The following LRRC58 variants were observed in gnomAD, a reference collection of about 807,000 sequenced individuals.
LRRC58 encodes the protein leucine-rich repeat-containing protein 58.
Under a neutral mutation model 30.6 loss-of-function variants are expected in LRRC58, and 18 were observed. The ratio of observed to expected loss-of-function variants is 0.59; its 90% CI spans 0.41 to 0.87. The LOEUF is 0.87. Among genes scored for constraint, LRRC58 ranks in the 40% least tolerant of loss-of-function variants. The pLI is 0.00. For missense variants in LRRC58, 420 were observed against 468.4 expected (o/e 0.90, Z 0.95); for synonymous variants, 221 against 206.0 (o/e 1.07, Z -0.62).
At chr3:120,346,144 A>C (rs1935965771) in intron 1 of LRRC58, among the ~76,000 whole-genome samples, 1 of 152,070 alleles carries the variant, frequency 6.6e-6, no homozygotes, top group Non-Finnish European at 1.5e-5. Flanking sequence ...GTGGTCGCAG[A>C]TACTTGGGAG....
rs77005092 is a variant in LRRC58, at chr3:120,331,187, T to C, written c.*13A>G. On this transcript the variant is annotated 3_prime_UTR_variant, in exon 4 of 4. Coordinates refer to ENST00000295628, the MANE Select transcript of LRRC58 (RefSeq NM_001099678.2). ...CAGTTTTTTAAGTATTTCACAACAC[T>C]GTGCACTCCTGTTCAACCAAGAAGA... 2,309 of 1,612,208 alleles carry C rather than the reference T, an allele frequency of 1.4e-3. 25 individuals carry two copies. The African/African-American group carries it at 0.028, about 20-fold the overall frequency.
intron 1 of LRRC58, among the ~76,000 whole-genome samples, chr3:120,341,626 C>A (rs563716920): frequency 6.6e-6 from 1 of 152,234 alleles, no homozygotes; most frequent in South Asian, 2.1e-4. Flanking sequence ...GTGGAGCCCT[C>A]GTTAATGGGA....
chr3:120,325,992 C>T lies in LRRC58; in HGVS notation c.*5208G>A, dbSNP rs1445937155. ...ATCTGTCAGGATCACAGTCTTTCTC[C>T]CTCAAATCAAATGAAAAAGGTAACA... On this transcript the variant is annotated 3_prime_UTR_variant, in exon 4 of 4. Coordinates refer to ENST00000295628, the MANE Select transcript of LRRC58 (RefSeq NM_001099678.2). 1 of 152,012 alleles carries T rather than the reference C, an allele frequency of 6.6e-6. No individual in the cohort carries two copies. Among genetic ancestry groups the T allele is most frequent in the African/African-American group, 2.4e-5 (1 of 41,374 alleles). 9.4% of individuals were successfully genotyped at this position (152,012 alleles called of 1,614,324 possible).
At chr3:120,339,868 A>T (rs1402772594) in intron 1 of LRRC58, among the ~76,000 whole-genome samples, 1 of 151,348 alleles carries the variant, frequency 6.6e-6, no homozygotes, top group Non-Finnish European at 1.5e-5. Context: ...ATTTTTTTTT[A>T]ATTTTTATTT....
rs1935661511 is a variant in LRRC58, at chr3:120,325,490, A to T, written c.*5710T>A. 1 of 152,200 alleles carries T rather than the reference A, an allele frequency of 6.6e-6. No homozygotes were observed. The highest frequency in any genetic ancestry group is 1.5e-5 in the Non-Finnish European group (1 of 68,010). The allele number at this position is 152,200 out of a possible 1,614,324, so 9.4% of individuals were successfully genotyped here. A position where few individuals can be genotyped will look rare whatever the true frequency, so the allele number is the denominator to read the frequency against. Reference sequence around the variant, plus strand: ...TGGATTGAATACTATCCTTTACAACAACTATTGAGAAAGACTAATGTTAGG... The same window carrying T: ...TGGATTGAATACTATCCTTTACAACTACTATTGAGAAAGACTAATGTTAGG... On this transcript the variant is annotated 3_prime_UTR_variant, in exon 4 of 4. Transcript: ENST00000295628.
At chr3:120,337,836 T>A (rs908466689) in intron 1 of LRRC58, among the ~76,000 whole-genome samples, 1 of 152,016 alleles carries the variant, frequency 6.6e-6, no homozygotes, top group African/African-American at 2.4e-5. Flanking sequence ...ATGAATCATT[T>A]CTATTTGTTC....
In LRRC58 at chr3:120,335,923, G is replaced by T; in HGVS notation, c.531C>A (p.Phe177Leu). 6.3e-7 allele frequency: 1 copy of T among 1,593,634 alleles called. No homozygotes were observed. ...SLECLYLGGNFIKEIPPELGN... is the reference protein window; with the variant it reads ...SLECLYLGGNLIKEIPPELGN... Reference sequence around the variant, plus strand: ...CTAATTCTGGTGGGATTTCTTTAATGAAATTTCCTCCAAGATATAAACACT... The same window carrying T: ...CTAATTCTGGTGGGATTTCTTTAATTAAATTTCCTCCAAGATATAAACACT... Residue 177 changes from phenylalanine to leucine, a missense_variant, in exon 2 of 4, where the codon TTC (phenylalanine) becomes TTA (leucine). Physicochemically the swap from Phe to Leu is conservative, Grantham distance 22. Transcript: ENST00000295628.
At chr3:120,340,855 C>T (rs1237816019) in intron 1 of LRRC58, among the ~76,000 whole-genome samples, 1 of 152,132 alleles carries the variant, frequency 6.6e-6, no homozygotes, top group East Asian at 1.9e-4. Context: ...AGAGGTGGCA[C>T]CACTGCACTC....
At position 120,329,109 on chromosome 3, in the gene LRRC58, T is replaced by G. The variant is rs1357160919; in HGVS notation, c.*2091A>C. 1 of 152,144 alleles carries G rather than the reference T, an allele frequency of 6.6e-6. No homozygotes were observed. The highest frequency in any genetic ancestry group is 2.4e-5 in the African/African-American group (1 of 41,448). The allele number at this position is 152,144 out of a possible 1,614,324, so 9.4% of individuals were successfully genotyped here. ...CTTAGAAGACTACTCAAGCAGTTAC[T>G]TAAGTCAAGCTGGTAATTGATTAGG... On this transcript the variant is annotated 3_prime_UTR_variant, in exon 4 of 4. Coordinates refer to ENST00000295628, the MANE Select transcript of LRRC58 (RefSeq NM_001099678.2).
In LRRC58 at chr3:120,349,344, G is replaced by A. The variant is rs1320398464; in HGVS notation, c.-101C>T. ...CGCCCCGGAACCTGAACCGAGGGCTGAGTCGGAAGTGGCGCGGGCGGGCGC... is the reference window on the plus strand; with the variant it reads ...CGCCCCGGAACCTGAACCGAGGGCTAAGTCGGAAGTGGCGCGGGCGGGCGC... On this transcript the variant is annotated 5_prime_UTR_variant, in exon 1 of 4. Coordinates refer to ENST00000295628, the MANE Select transcript of LRRC58 (RefSeq NM_001099678.2). 5 of 1,227,492 alleles carry A rather than the reference G, an allele frequency of 4.1e-6. No homozygotes were observed. In the African/African-American group the frequency reaches 6.4e-5, roughly 16 times the overall value. 76.0% of individuals were successfully genotyped at this position (1,227,492 alleles called of 1,614,324 possible).
chr3:120,338,790 C>T (rs965455805), intron 1 of LRRC58, among the ~76,000 whole-genome samples: 1 of 152,126 alleles, frequency 6.6e-6, no homozygotes, highest in Non-Finnish European at 1.5e-5. Flanking sequence ...TCTGTAAGAG[C>T]GTTTTGAAAA....
At chr3:120,348,109 G>C (rs553542091) in intron 1 of LRRC58, among the ~76,000 whole-genome samples, 4 of 152,180 alleles carry the variant, frequency 2.6e-5, no homozygotes, top group Non-Finnish European at 5.9e-5. Context: ...TGATTAACTT[G>C]AGATAGCTTT....
intron 1 of LRRC58, among the ~76,000 whole-genome samples, chr3:120,346,824 C>G (rs1243128966): frequency 6.6e-6 from 1 of 152,198 alleles, no homozygotes; most frequent in Non-Finnish European, 1.5e-5. Context: ...CTCAAAATCT[C>G]TATCTCTTCA....
chr3:120,336,773 T>C (rs1044915339), intron 1 of LRRC58, among the ~76,000 whole-genome samples: 1 of 150,762 alleles, frequency 6.6e-6, no homozygotes, highest in Admixed American at 6.6e-5. Flanking sequence ...ATGATTACTG[T>C]TGAAAGGCTT....
At chr3:120,339,333 G>A (rs957048138) in intron 1 of LRRC58, among the ~76,000 whole-genome samples, 12 of 151,986 alleles carry the variant, frequency 7.9e-5, no homozygotes, top group Admixed American at 3.3e-4. Flanking sequence ...GTTCTACCCC[G>A]ATTTTCTACC....
At chr3:120,344,481 A>G (rs1433970973) in intron 1 of LRRC58, among the ~76,000 whole-genome samples, 1 of 152,232 alleles carries the variant, frequency 6.6e-6, no homozygotes, top group Admixed American at 6.5e-5. Context: ...TGGTTGAGTC[A>G]TCTGTCTCCT....
At chr3:120,343,561 C>T (rs1935930294) in intron 1 of LRRC58, among the ~76,000 whole-genome samples, 1 of 152,110 alleles carries the variant, frequency 6.6e-6, no homozygotes, top group Non-Finnish European at 1.5e-5. Flanking sequence ...ATATATTGAC[C>T]TTAAAATTGT....
rs1262696737 is a variant in LRRC58, at chr3:120,327,076, T to G, written c.*4124A>C. 6.6e-6 allele frequency: 1 copy of G among 152,136 alleles called. No individual in the cohort carries two copies. The highest frequency in any genetic ancestry group is 2.1e-4 in the South Asian group (1 of 4,822). 9.4% of individuals were successfully genotyped at this position (152,136 alleles called of 1,614,324 possible). On this transcript the variant is annotated 3_prime_UTR_variant, in exon 4 of 4. Transcript: ENST00000295628. ...CGGAGGGATATGGACAATCTCCCAA[T>G]AGCAAACACTGAACAAATTTGGTGA...
At chr3:120,337,561 TG>T (rs1935851071) in intron 1 of LRRC58, among the ~76,000 whole-genome samples, 1 of 152,180 alleles carries the variant, frequency 6.6e-6, no homozygotes, top group South Asian at 2.1e-4. Context: ...GCCTCAAGCA[TG>T]GTCTATTTTC....
Sources: gnomAD v4.1 joint callset for allele counts (sites outside exome capture counted in the v4.1 genomes callset) on GRCh38, gnomAD v4.1.1 for gene constraint, MANE v1.5 for transcripts, NCBI Gene and HGNC (gene_info 2026-07-23, HGNC 2026-07-21) for gene names.